Variants in KCNJ6 observed in about 807,000 individuals in gnomAD.
KCNJ6 encodes the protein potassium inwardly rectifying channel subfamily J member 6, also known as G protein-activated inward rectifier potassium channel 2.
A neutral mutation model predicts 34.2 loss-of-function variants in KCNJ6; 9 were observed. The ratio of observed to expected loss-of-function variants is 0.26; its 90% CI spans 0.16 to 0.46. KCNJ6 has a LOEUF of 0.46. KCNJ6 is among the 20% of genes least tolerant of loss of function. KCNJ6 has a pLI of 1.00. For missense variants in KCNJ6, 236 were observed against 531.3 expected (o/e 0.44, Z 5.46); for synonymous variants, 196 against 207.1 (o/e 0.95, Z 0.46).
intron 2 of KCNJ6, among the ~76,000 whole-genome samples, chr21:37,721,235 C>T (rs1383253186): frequency 6.6e-6 from 1 of 152,144 alleles, no homozygotes; most frequent in East Asian, 1.9e-4. Context: ...GATACCACTT[C>T]ACATCTATTA....
At chr21:37,762,097 A>G (rs938772531) in intron 2 of KCNJ6, among the ~76,000 whole-genome samples, 1 of 152,194 alleles carries the variant, frequency 6.6e-6, no homozygotes, top group Non-Finnish European at 1.5e-5. Flanking sequence ...GTGTGTGTGC[A>G]GGATTGCACC....
chr21:37,882,022 T>C (rs1384385984), intron 1 of KCNJ6, among the ~76,000 whole-genome samples: 4 of 152,134 alleles, frequency 2.6e-5, no homozygotes, highest in Non-Finnish European at 5.9e-5. Flanking sequence ...TGCCCTGTCT[T>C]TGGAAGCATC....
chr21:37,844,669 T>C (rs746615230), intron 1 of KCNJ6, among the ~76,000 whole-genome samples: 53 of 152,076 alleles, frequency 3.5e-4, no homozygotes, highest in Non-Finnish European at 6.8e-4. Flanking sequence ...GCAAGCACTA[T>C]TCCCTCTGCC....
chr21:37,670,543 T>C (rs1055653797), intron 3 of KCNJ6, among the ~76,000 whole-genome samples: 5 of 152,166 alleles, frequency 3.3e-5, no homozygotes, highest in Non-Finnish European at 7.3e-5. Context: ...GGTGTGCAGA[T>C]AACTTGAGCT....
intron 2 of KCNJ6, among the ~76,000 whole-genome samples, chr21:37,771,427 T>C (rs2055117281): frequency 6.6e-6 from 1 of 152,204 alleles, no homozygotes; most frequent in African/African-American, 2.4e-5. Context: ...TGGCTTATCC[T>C]ACGCATTTCA....
intron 2 of KCNJ6, among the ~76,000 whole-genome samples, chr21:37,744,895 C>G (rs1451055962): frequency 6.6e-6 from 1 of 152,038 alleles, no homozygotes; most frequent in Non-Finnish European, 1.5e-5. Flanking sequence ...CATCCTGATC[C>G]CGGGAACTGT....
At chr21:37,841,454 A>C (rs1369028661) in intron 1 of KCNJ6, among the ~76,000 whole-genome samples, 3 of 152,188 alleles carry the variant, frequency 2.0e-5, no homozygotes, top group Non-Finnish European at 2.9e-5. Context: ...GCCCACTATT[A>C]TTATACTTTT....
At chr21:37,685,678 C>A (rs1437539061) in intron 3 of KCNJ6, among the ~76,000 whole-genome samples, 1 of 1,702 alleles carries the variant, frequency 5.9e-4, no homozygotes, top group Non-Finnish European at 1.4e-3. Context: ...GAGACTCTGT[C>A]TCCAAAAAAA....
chr21:37,714,988 C>T lies in KCNJ6; in HGVS notation c.169G>A (p.Val57Met). ...DRTKRKIQRY[V>M]RKDGKCNVHH... Reference sequence around the variant, plus strand: ...ACATTGCACTTTCCGTCTTTCCTCACGTACCTCTGGATTTTCCTTTTGGTC... The same window carrying T: ...ACATTGCACTTTCCGTCTTTCCTCATGTACCTCTGGATTTTCCTTTTGGTC... Residue 57 changes from valine to methionine, a missense_variant, in exon 3 of 4, where the codon GTG becomes ATG. Physicochemically the swap from Val to Met is conservative, Grantham distance 21. Around this residue, in one of 5 missense-constraint regions of KCNJ6, gnomAD observed 68 missense variants for 165.7 expected, o/e 0.41. Transcript: ENST00000609713. The surrounding 1 kb of genome is among the most constrained non-coding windows in gnomAD (Gnocchi z 5.9). 3.7e-6 allele frequency: 6 copies of T among 1,614,220 alleles called. No homozygotes were observed. Among genetic ancestry groups the T allele is most frequent in the East Asian group, 2.2e-5 (1 of 44,880 alleles).
chr21:37,755,677 G>T (rs2055020656), intron 2 of KCNJ6, among the ~76,000 whole-genome samples: 1 of 152,254 alleles, frequency 6.6e-6, no homozygotes, highest in African/African-American at 2.4e-5. Flanking sequence ...GCCAGCAAGG[G>T]AGCATGGCTG....
intron 2 of KCNJ6, among the ~76,000 whole-genome samples, chr21:37,783,226 G>A (rs1003867096): frequency 3.3e-5 from 5 of 152,192 alleles, no homozygotes; most frequent in Non-Finnish European, 7.3e-5. Flanking sequence ...AGCTAACCAC[G>A]GATGAGGGCG....
At chr21:37,828,691 C>T (rs560597882) in intron 2 of KCNJ6, among the ~76,000 whole-genome samples, 17 of 152,354 alleles carry the variant, frequency 1.1e-4, no homozygotes, top group South Asian at 1.0e-3. Flanking sequence ...CTGCGCTCTG[C>T]GGAGTTTCAG....
chr21:37,669,160 T>G (rs1246219673), intron 3 of KCNJ6, among the ~76,000 whole-genome samples: 2 of 152,190 alleles, frequency 1.3e-5, no homozygotes, highest in Non-Finnish European at 2.9e-5. Context: ...AACTTAACTC[T>G]TCAACCAATT....
In KCNJ6 at chr21:37,714,181, A is replaced by C; in HGVS notation, c.946+30T>G. The C allele has an allele frequency of 1.3e-6, 2 of 1,501,848 alleles. No homozygotes were observed. The highest frequency in any genetic ancestry group is 2.3e-5 in the South Asian group (2 of 85,148). The allele number at this position is 1,501,848 out of a possible 1,614,324, so 93.0% of individuals were successfully genotyped here. A position where few individuals can be genotyped will look rare whatever the true frequency, so the allele number is the denominator to read the frequency against. ...CCAGTTTAAAATGAGCATCTATCCC[A>C]CAGCCATCCCAGGATAGAACACATC... On this transcript the variant is annotated intron_variant, in intron 3 of 3. Transcript: ENST00000609713. The surrounding 1 kb of genome is among the most constrained non-coding windows in gnomAD (Gnocchi z 5.9).
At chr21:37,776,013 G>C (rs188861703) in intron 2 of KCNJ6, among the ~76,000 whole-genome samples, 82 of 151,582 alleles carry the variant, frequency 5.4e-4, no homozygotes, top group African/African-American at 1.3e-3. Context: ...TGTTTGTATC[G>C]TCTTTTATTT....
intron 2 of KCNJ6, among the ~76,000 whole-genome samples, 177 bp from the exon 3 acceptor site, chr21:37,715,308 A>G (rs2054784677): frequency 6.6e-6 from 1 of 152,158 alleles, no homozygotes. Context: ...GTTGACTTGG[A>G]CTTCTGTGCT....
chr21:37,894,421 T>G (rs955172751), intron 1 of KCNJ6, among the ~76,000 whole-genome samples: 2 of 152,174 alleles, frequency 1.3e-5, no homozygotes, highest in Non-Finnish European at 2.9e-5. Context: ...TCCCAGCACT[T>G]TGGGAGGCCG....
intron 1 of KCNJ6, among the ~76,000 whole-genome samples, chr21:37,894,058 A>G (rs1050329734): frequency 3.3e-5 from 5 of 152,234 alleles, no homozygotes; most frequent in African/African-American, 1.2e-4. Flanking sequence ...TAACTTCAGG[A>G]AGCCTTATAA....
At chr21:37,819,652 T>G (rs1042495453) in intron 2 of KCNJ6, among the ~76,000 whole-genome samples, 26 of 152,214 alleles carry the variant, frequency 1.7e-4, no homozygotes, top group Admixed American at 3.9e-4. Context: ...TACATTGTTT[T>G]GTAAAATGTT....
Sources: gnomAD v4.1 joint callset for allele counts (sites outside exome capture counted in the v4.1 genomes callset) on GRCh38, gnomAD v4.1.1 for gene constraint, gnomAD v4.1.1 regional missense constraint, Gnocchi (gnomAD v3.1) non-coding constraint, MANE v1.5 for transcripts, NCBI Gene and HGNC (gene_info 2026-07-23, HGNC 2026-07-21) for gene names.